The following APC2 variants were observed in gnomAD, a reference collection of about 807,000 sequenced individuals.
APC2 encodes the protein APC regulator of Wnt signaling pathway 2, also known as adenomatous polyposis coli protein 2.
A neutral mutation model predicts 72.5 loss-of-function variants in APC2; 41 were observed. The ratio of observed to expected loss-of-function variants is 0.57; its 90% confidence interval spans 0.44 to 0.73. The LOEUF is 0.73. Among genes scored for constraint, APC2 ranks in the 30% least tolerant of loss-of-function variants. The pLI, the probability that APC2 is intolerant of heterozygous loss-of-function variation, is 0.00. For missense variants in APC2, 3,729 were observed against 3,403.4 expected, an observed-to-expected ratio of 1.10 and a Z score of -2.38; for synonymous variants, 1,898 against 1,612.0, an observed-to-expected ratio of 1.18 and a Z score of -4.25.
At position 1,465,897 on chromosome 19, in the gene APC2, A is replaced by G; in HGVS notation, c.2596A>G (p.Thr866Ala). The change falls in exon 15 of 15, where the codon ACC becomes GCC. Residue 866 changes from threonine (T) to alanine (A), a missense_variant. By Grantham distance (58) the Thr-to-Ala change is moderately conservative (BLOSUM62 0). Coordinates refer to ENST00000590469, the MANE Select transcript of APC2 (RefSeq NM_005883.3). ...GGTGGAGGACATCTCCGCCCTGCACACCTCGTCCGACGATAGCTTCAGCCT... is the reference window on the plus strand; with the variant it reads ...GGTGGAGGACATCTCCGCCCTGCACGCCTCGTCCGACGATAGCTTCAGCCT... Reference protein sequence around the residue: ...QLVEDISALHTSSDDSFSLSS... With the variant: ...QLVEDISALHASSDDSFSLSS... 1 of 1,573,846 alleles carries G rather than the reference A, an allele frequency of 6.4e-7. No individual in the cohort carries two copies. Among genetic ancestry groups the G allele is most frequent in the African/African-American group, 1.4e-5 (1 of 72,774 alleles).
chr19:1,449,865 G>T (rs1168092896), upstream of APC2, among the ~76,000 whole-genome samples: 1 of 152,336 alleles, frequency 6.6e-6, no homozygotes, highest in African/African-American at 2.4e-5. Flanking sequence ...AGACGCAGGA[G>T]GTTTTAAGAG....
Position 1,456,077 on chromosome 19 carries a change from T to A in APC2, c.641T>A (p.Ile214Asn). Residue 214 changes from isoleucine (I) to asparagine (N), a missense_variant and splice_region_variant, in exon 7 of 15, where the codon ATC becomes AAC. Coordinates refer to ENST00000590469, the MANE Select transcript of APC2 (RefSeq NM_005883.3). Reference protein sequence around the residue: ...TSDEMVQRAQIRASRLEQIDK... With the variant: ...TSDEMVQRAQNRASRLEQIDK... ...TTGCCCTCGTGTGGTCCTGAGCAGA[T>A]CCGCGCCTCGCGCCTGGAGCAGATT... 6.4e-7 allele frequency: 1 copy of A among 1,570,610 alleles called. No individual in the cohort carries two copies.
chr19:1,453,300 G>A lies in APC2; in HGVS notation c.195G>A (p.Val65=), dbSNP rs1232645567. The A allele has an allele frequency of 5.0e-6, 8 of 1,589,158 alleles. No individual in the cohort carries two copies. The highest frequency in any genetic ancestry group is 6.9e-6 in the Non-Finnish European group (8 of 1,167,766). The change falls in exon 3 of 15, where the codon GTG becomes GTA. Residue 65 remains valine (V), a synonymous_variant. Transcript: ENST00000590469. ...GKLEQEARVL[V]SSGQTEVLEQ... Reference sequence around the variant, plus strand: ...TGGAGCAGGAGGCCCGAGTGCTGGTGTCCTCGGGGCAGACGGAGGTGCTGG... The same window carrying A: ...TGGAGCAGGAGGCCCGAGTGCTGGTATCCTCGGGGCAGACGGAGGTGCTGG...
intron 14 of APC2, among the ~76,000 whole-genome samples, chr19:1,462,914 T>A (rs146375245): frequency 0.067 from 10,053 of 149,934 alleles, 1,062 homozygotes; most frequent in African/African-American, 0.23. Flanking sequence ...GAGCTTGCAG[T>A]GAGCTGAGAT....
At chr19:1,458,273 A>G in intron 10 of APC2, 1 of 592,004 alleles carries the variant, frequency 1.7e-6, no homozygotes, top group Non-Finnish European at 3.0e-6. Context: ...TGGCCTCCCG[A>G]TCTGGTCTGA....
chr19:1,455,555 A>G, intron 6 of APC2, 55 bp downstream of exon 6: 1 of 1,497,180 alleles, frequency 6.7e-7, no homozygotes, highest in South Asian at 1.2e-5. Context: ...GCCAGTGGGC[A>G]AATCAGAGTG....
Position 1,469,982 on chromosome 19 carries a change from C to A in APC2, c.6681C>A (p.Gly2227=). The A allele has an allele frequency of 6.5e-7, 1 of 1,526,790 alleles. No individual in the cohort carries two copies. Among genetic ancestry groups the A allele is most frequent in the Admixed American group, 2.0e-5 (1 of 50,386 alleles). 94.6% of individuals were successfully genotyped at this position (1,526,790 alleles called of 1,614,324 possible). A position where few individuals can be genotyped will look rare whatever the true frequency, so the allele number is the denominator to read the frequency against. The change falls in exon 15 of 15, where the codon GGC becomes GGA. Residue 2227 remains glycine (G), a synonymous_variant. Transcript: ENST00000590469. ...APAGGQLSLL[G]SDVDGPSLAK... Reference sequence around the variant, plus strand: ...CCGGCGGCCAGCTCTCCCTCCTCGGCAGCGACGTGGACGGTCCCAGCCTCG... The same window carrying A: ...CCGGCGGCCAGCTCTCCCTCCTCGGAAGCGACGTGGACGGTCCCAGCCTCG...
rs2084128298 is a variant in APC2, at chr19:1,471,191, A to G, written c.*978A>G. ...CTGGCCTCTCCCCAGCGGAGCCTGCACGTTACGGAGACCATCACATGTGGG... is the reference window on the plus strand; with the variant it reads ...CTGGCCTCTCCCCAGCGGAGCCTGCGCGTTACGGAGACCATCACATGTGGG... On this transcript the variant is annotated 3_prime_UTR_variant, in exon 15 of 15. Coordinates refer to ENST00000590469, the MANE Select transcript of APC2 (RefSeq NM_005883.3). The G allele has an allele frequency of 6.6e-6, 1 of 152,430 alleles. No individual in the cohort carries two copies. The allele number at this position is 152,430 out of a possible 1,614,324, so 9.4% of individuals were successfully genotyped here.
intron 4 of APC2, among the ~76,000 whole-genome samples, chr19:1,453,892 G>C (rs1290998697): frequency 6.6e-6 from 1 of 152,188 alleles, no homozygotes; most frequent in Non-Finnish European, 1.5e-5. Flanking sequence ...ACGTCCCCAG[G>C]GGTCCGAGAC....
upstream of APC2, among the ~76,000 whole-genome samples, chr19:1,449,288 C>A (rs537006839): frequency 6.6e-6 from 1 of 152,282 alleles, no homozygotes; most frequent in South Asian, 2.1e-4. Flanking sequence ...GTGTCCAGAG[C>A]AGGAAGGGCT....
rs113191430 is a variant in APC2 at position 1,468,443 on chromosome 19, C to T, written c.5142C>T (p.Ser1714=). Residue 1714 remains serine, a synonymous_variant, in exon 15 of 15, where the codon TCC becomes TCT. Transcript: ENST00000590469. ...AAATREASSE[S]DSILSFVSGL... ...CCACGCGGGAGGCCTCGTCCGAGTC[C>T]GACTCCATCCTGTCCTTCGTATCCG... 3,959 of 1,594,170 alleles carry T rather than the reference C, an allele frequency of 2.5e-3. 2 individuals carry two copies. The highest frequency in any genetic ancestry group is 3.0e-3 in the Non-Finnish European group (3,515 of 1,171,816).
intron 10 of APC2, among the ~76,000 whole-genome samples, chr19:1,459,536 TTC>T (rs1373278056): frequency 3.3e-5 from 5 of 152,216 alleles, no homozygotes; most frequent in African/African-American, 1.2e-4. Context: ...GCTGGAAGTT[TTC>T]TGAGATATGT....
chr19:1,457,383 C>T, intron 9 of APC2, 140 bp downstream of exon 9: 1 of 1,238,902 alleles, frequency 8.1e-7, no homozygotes, highest in East Asian at 2.9e-5. Context: ...CCGGCCGAGG[C>T]CTGTGGGGGC....
Position 1,469,451 on chromosome 19 carries a change from C to T in APC2, c.6150C>T (p.Pro2050=). The part of the protein sequence containing the change: ...SSRCEELRAA[P]RQGPAPARQR... ...GCTGCGAAGAGCTCCGAGCGGCACC[C>T]CGGCAGGGCCCGGCCCCGGCCCGGC... The change falls in exon 15 of 15, where the codon CCC becomes CCT. Residue 2050 remains proline, a synonymous_variant. Transcript: ENST00000590469. 1 of 1,145,156 alleles carries T rather than the reference C, an allele frequency of 8.7e-7. No individual in the cohort carries two copies. Among genetic ancestry groups the T allele is most frequent in the Non-Finnish European group, 1.1e-6 (1 of 935,504 alleles). The allele number at this position is 1,145,156 out of a possible 1,614,324, so 70.9% of individuals were successfully genotyped here.
intron 11 of APC2, 60 bp from the exon 12 acceptor site, chr19:1,460,720 G>A (rs1432342528): frequency 4.6e-6 from 7 of 1,531,826 alleles, no homozygotes; most frequent in Admixed American, 1.7e-5. Context: ...GCTGGGAGGT[G>A]AGGGGCACAG....
rs1296104293 is a variant in APC2, at chr19:1,469,850, G to A, written c.6549G>A (p.Pro2183=). The A allele has an allele frequency of 2.6e-6, 4 of 1,519,644 alleles. No homozygotes were observed. In the African/African-American group the frequency reaches 4.3e-5, roughly 16 times the overall value. The allele number at this position is 1,519,644 out of a possible 1,614,324, so 94.1% of individuals were successfully genotyped here. A position where few individuals can be genotyped will look rare whatever the true frequency, so the allele number is the denominator to read the frequency against. Reference sequence around the variant, plus strand: ...AGGACGCCCCGGCCGGGCCCCCGCCGCGCAAGACCAGCGACGCCGTGGTCC... The same window carrying A: ...AGGACGCCCCGGCCGGGCCCCCGCCACGCAAGACCAGCGACGCCGTGGTCC... ...TPEDAPAGPP[P]RKTSDAVVQT... is the part of the protein sequence containing the mutation. The change falls in exon 15 of 15, where the codon CCG becomes CCA. Residue 2183 remains proline (P), a synonymous_variant. Coordinates refer to ENST00000590469, the MANE Select transcript of APC2 (RefSeq NM_005883.3).
At position 1,468,902 on chromosome 19, in the gene APC2, C is replaced by G; in HGVS notation, c.5601C>G (p.Arg1867=). 1 of 1,523,270 alleles carries G rather than the reference C, an allele frequency of 6.6e-7. No homozygotes were observed. The highest frequency in any genetic ancestry group is 1.2e-5 in the South Asian group (1 of 81,722). 94.4% of individuals were successfully genotyped at this position (1,523,270 alleles called of 1,614,324 possible). Reference sequence around the variant, plus strand: ...CCAGAAGCGCCACACCGCCCGCCCGCCTCGCCAAGACCCCCTCCTCCAGCT... The same window carrying G: ...CCAGAAGCGCCACACCGCCCGCCCGGCTCGCCAAGACCCCCTCCTCCAGCT... ...QPPRSATPPA[R]LAKTPSSSSS... The change falls in exon 15 of 15, where the codon CGC becomes CGG. Residue 1867 remains arginine, a synonymous_variant. Transcript: ENST00000590469.
chr19:1,461,603 AG>A (rs1438864033), intron 13 of APC2: 28 of 321,046 alleles, frequency 8.7e-5, no homozygotes, highest in Non-Finnish European at 1.5e-4. Context: ...CTGTAATCCC[AG>A]CACTTTGGGA....
chr19:1,466,046 C>G lies in APC2; in HGVS notation c.2745C>G (p.Leu915=). 1 of 1,500,502 alleles carries G rather than the reference C, an allele frequency of 6.7e-7. No homozygotes were observed. Among genetic ancestry groups the G allele is most frequent in the South Asian group, 1.3e-5 (1 of 75,402 alleles). 92.9% of individuals were successfully genotyped at this position (1,500,502 alleles called of 1,614,324 possible). Residue 915 remains leucine (L), a synonymous_variant, in exon 15 of 15, where the codon CTC becomes CTG. Transcript: ENST00000590469. ...GCCGGGCGCACCCGCTGCTGCGGCT[C>G]AAGGCGGCCCACGCCAGCCTCTCCA... is the stretch of plus-strand genomic sequence containing the variant. ...AGSRAHPLLR[L]KAAHASLSND...
Sources: allele counts gnomAD v4.1 joint callset (sites outside exome capture counted in the v4.1 genomes callset), GRCh38; gene constraint gnomAD v4.1.1; transcripts MANE v1.5; gene names NCBI Gene and HGNC (gene_info 2026-07-23, HGNC 2026-07-21).